Variants in STUM observed in about 807,000 individuals in gnomAD.
The protein encoded by STUM is protein stum homolog.
STUM carries 8 observed loss-of-function variants against 15.3 expected under a neutral mutation model. That is an observed-to-expected ratio of 0.52 (90% CI 0.31 to 0.94). STUM has a LOEUF of 0.94. Ranked by LOEUF, STUM falls within the 40% of genes least tolerant of loss-of-function variation. The probability of loss-of-function intolerance (pLI) is 0.05; values close to 1 mark genes in which losing one functional copy is unlikely to be tolerated. For missense variants in STUM, 142 were observed against 204.9 expected (o/e 0.69, Z 1.87); for synonymous variants, 78 against 88.7 (o/e 0.88, Z 0.68).
At chr1:226,590,985 T>C (rs377069076) in intron 1 of STUM, among the ~76,000 whole-genome samples, 27 of 152,224 alleles carry the variant, frequency 1.8e-4, no homozygotes, top group African/African-American at 5.3e-4. Flanking sequence ...ATCACCTGTC[T>C]GGGCTCCCAT....
chr1:226,556,823 A>G (rs1183148568), intron 1 of STUM, among the ~76,000 whole-genome samples: 1 of 152,234 alleles, frequency 6.6e-6, no homozygotes, highest in East Asian at 1.9e-4. Flanking sequence ...AATATTAGCA[A>G]AATCCCCTTT....
At chr1:226,593,625 A>C (rs1668124973) in intron 1 of STUM, among the ~76,000 whole-genome samples, 1 of 152,124 alleles carries the variant, frequency 6.6e-6, no homozygotes, top group South Asian at 2.1e-4. Context: ...CTCATCCCCC[A>C]GAAAGGAAGC....
chr1:226,579,557 C>G (rs1311099244), intron 1 of STUM, among the ~76,000 whole-genome samples: 2 of 152,006 alleles, frequency 1.3e-5, no homozygotes. Flanking sequence ...TGGAGGCCTC[C>G]CCAGGAAGCC....
Position 226,567,239 on chromosome 1 carries a change from T to C in STUM, c.202+18133T>C, listed in dbSNP as rs1667638612. On this transcript the variant is annotated intron_variant, in intron 1 of 3. Transcript: ENST00000366788. The surrounding 1 kb of genome is among the most constrained non-coding windows in gnomAD (Gnocchi z 4.5). ...CCCGAGCCTTGCTTTCAAAAAGCCT[T>C]TGAAGACTGTCCGTCCTGGAGCTAT... Among the ~76,000 whole-genome samples, 1 of 152,162 alleles carries C rather than the reference T, an allele frequency of 6.6e-6. No homozygotes were observed. Among genetic ancestry groups the C allele is most frequent in the Non-Finnish European group, 1.5e-5 (1 of 68,026 alleles).
Position 226,602,195 on chromosome 1 carries a change from C to T in STUM, c.*155C>T. ...AAAAATATTATTTATTTTGAAAACG[C>T]ATCTGCTTTTCTCAGCAGGTTGTGA... On this transcript the variant is annotated 3_prime_UTR_variant, in exon 4 of 4. Transcript: ENST00000366788. The T allele has an allele frequency of 1.6e-6, 1 of 623,318 alleles. No homozygotes were observed. The highest frequency in any genetic ancestry group is 2.8e-6 in the Non-Finnish European group (1 of 357,568). The allele number at this position is 623,318 out of a possible 1,614,324, so 38.6% of individuals were successfully genotyped here.
At chr1:226,591,062 T>C (rs745721986) in intron 1 of STUM, among the ~76,000 whole-genome samples, 2 of 152,238 alleles carry the variant, frequency 1.3e-5, no homozygotes, top group Non-Finnish European at 2.9e-5. Context: ...CACATTGCTG[T>C]TGGGTAGAGC....
At chr1:226,597,197 T>C (rs956549375) in intron 2 of STUM, among the ~76,000 whole-genome samples, 1 of 152,148 alleles carries the variant, frequency 6.6e-6, no homozygotes, top group Non-Finnish European at 1.5e-5. Flanking sequence ...GAATTATGAG[T>C]GGATGGCAGG....
intron 1 of STUM, among the ~76,000 whole-genome samples, chr1:226,571,183 A>G (rs867359012): frequency 2.0e-5 from 3 of 152,306 alleles, no homozygotes; most frequent in African/African-American, 7.2e-5. Flanking sequence ...GTGAGCCGAG[A>G]TCACATCACC....
chr1:226,561,849 A>T (rs1439702767), intron 1 of STUM, among the ~76,000 whole-genome samples: 1 of 152,186 alleles, frequency 6.6e-6, no homozygotes, highest in Non-Finnish European at 1.5e-5. Context: ...CAGGAACCAG[A>T]TAGCATCTTG....
At position 226,586,347 on chromosome 1, in the gene STUM, A is replaced by C. The variant is rs1181850531; in HGVS notation, c.203-10455A>C. On this transcript the variant is annotated intron_variant, in intron 1 of 3. Coordinates refer to ENST00000366788, the MANE Select transcript of STUM (RefSeq NM_001003665.4). ...CACTGGGCTGCCGAACGCTTGGGGCAGTCTTGTTCCCAGGCTTGCGTTTGG... is the reference window on the plus strand; with the variant it reads ...CACTGGGCTGCCGAACGCTTGGGGCCGTCTTGTTCCCAGGCTTGCGTTTGG... Among the ~76,000 whole-genome samples the C allele has an allele frequency of 3.3e-5, 5 of 152,164 alleles. No individual in the cohort carries two copies. The East Asian group carries it at 9.6e-4, about 29-fold the overall frequency.
chr1:226,599,533 A>C (rs1668233800), intron 2 of STUM, among the ~76,000 whole-genome samples: 1 of 152,236 alleles, frequency 6.6e-6, no homozygotes, highest in Non-Finnish European at 1.5e-5. Context: ...CTTGCTATAA[A>C]AACAGAGGAA....
At chr1:226,576,709 T>C (rs1305071423) in intron 1 of STUM, among the ~76,000 whole-genome samples, 2 of 152,204 alleles carry the variant, frequency 1.3e-5, no homozygotes, top group African/African-American at 4.8e-5. Context: ...GGAAACTCTG[T>C]GCCCATTAAC....
chr1:226,565,733 C>T lies in STUM; in HGVS notation c.202+16627C>T, dbSNP rs573544460. 1.4e-3 allele frequency among the ~76,000 whole-genome samples: 213 copies of T among 152,322 alleles called. No homozygotes were observed. Among genetic ancestry groups the T allele is most frequent in the Non-Finnish European group, 2.5e-3 (171 of 68,024 alleles). On this transcript the variant is annotated intron_variant, in intron 1 of 3. Transcript: ENST00000366788. This position sits in a 1 kb window ranked among gnomAD's most constrained non-coding sequence, Gnocchi z 4.4. The stretch of plus-strand genomic sequence containing the variant: ...CCCCCATCCTCCCGTCTCTCGCCCA[C>T]GCTTGGCTCAGAGATCTCTGGGCTG...
At chr1:226,563,451 A>G (rs1667573594) in intron 1 of STUM, among the ~76,000 whole-genome samples, 1 of 152,208 alleles carries the variant, frequency 6.6e-6, no homozygotes, top group Non-Finnish European at 1.5e-5. Context: ...TGGGAGTATG[A>G]GGTGTTTTTC....
At position 226,602,065 on chromosome 1, in the gene STUM, C is replaced by A; in HGVS notation, c.*25C>A. The A allele has an allele frequency of 1.3e-6, 2 of 1,597,666 alleles. No homozygotes were observed. Among genetic ancestry groups the A allele is most frequent in the East Asian group, 2.2e-5 (1 of 44,834 alleles). On this transcript the variant is annotated 3_prime_UTR_variant, in exon 4 of 4. Transcript: ENST00000366788. ...AGCCCACGGGAGCCGCTGGGGAGAT[C>A]CAGGGGGGCCCTGTGAGGGCTGCAC...
At chr1:226,588,878 AC>A (rs1668041683) in intron 1 of STUM, among the ~76,000 whole-genome samples, 1 of 152,226 alleles carries the variant, frequency 6.6e-6, no homozygotes, top group African/African-American at 2.4e-5. Context: ...AATCAGCTGT[AC>A]ATTTCCTTCC....
At chr1:226,561,373 G>A (rs1192855842) in intron 1 of STUM, among the ~76,000 whole-genome samples, 1 of 152,156 alleles carries the variant, frequency 6.6e-6, no homozygotes, top group African/African-American at 2.4e-5. Context: ...TTCCCCAGGA[G>A]ACACAGGCTT....
intron 1 of STUM, among the ~76,000 whole-genome samples, chr1:226,588,335 T>TGGTC (rs542150294): frequency 1.3e-4 from 20 of 152,228 alleles, no homozygotes; most frequent in Non-Finnish European, 2.4e-4. Context: ...CCACCTAGTG[T>TGGTC]GGTCTTCTTG....
chr1:226,574,982 T>A (rs1348749948), intron 1 of STUM, among the ~76,000 whole-genome samples: 1 of 152,152 alleles, frequency 6.6e-6, no homozygotes, highest in Non-Finnish European at 1.5e-5. Context: ...TGGGGTCATA[T>A]GTCTGGGCTC....
Sources: gnomAD v4.1 joint callset for allele counts (sites outside exome capture counted in the v4.1 genomes callset) on GRCh38, gnomAD v4.1.1 for gene constraint, Gnocchi (gnomAD v3.1) non-coding constraint, MANE v1.5 for transcripts, NCBI Gene and HGNC (gene_info 2026-07-23, HGNC 2026-07-21) for gene names.